MAD1L1: variants seen among roughly 807,000 people sequenced by gnomAD.
MAD1L1 encodes mitotic spindle assembly checkpoint protein MAD1.
A neutral mutation model predicts 96.9 loss-of-function variants in MAD1L1; 95 were observed. That is an observed-to-expected ratio of 0.98 (90% CI 0.83 to 1.16). The LOEUF (loss-of-function observed/expected upper bound fraction) is 1.16. Among genes scored for constraint, MAD1L1 ranks in the 50% most tolerant of loss-of-function variants. MAD1L1 has a pLI of 0.00. For missense variants in MAD1L1, 1,007 were observed against 954.4 expected (o/e 1.06, Z -0.73); for synonymous variants, 473 against 396.6 (o/e 1.19, Z -2.29).
chr7:2,178,154 C>A (rs1373150761), intron 10 of MAD1L1, among the ~76,000 whole-genome samples: 1 of 152,174 alleles, frequency 6.6e-6, no homozygotes, highest in African/African-American at 2.4e-5. Context: ...TCTTCTTAAG[C>A]TATTTAACCT....
Position 2,207,993 on chromosome 7 carries a change from G to A in MAD1L1, c.986+5219C>T, listed in dbSNP as rs1584550257. Among the ~76,000 whole-genome samples the A allele has an allele frequency of 2.0e-5, 3 of 152,276 alleles. No individual in the cohort carries two copies. The South Asian group carries it at 6.2e-4, about 32-fold the overall frequency. On this transcript the variant is annotated intron_variant, in intron 10 of 18. Coordinates refer to ENST00000265854, the MANE Select transcript of MAD1L1 (RefSeq NM_001013836.2). ...CCCTGGAGAACTGCTTGGTGTGGGGGAAACCTTCCAGTATCTGGTGTCAGA... is the reference window on the plus strand; with the variant it reads ...CCCTGGAGAACTGCTTGGTGTGGGGAAAACCTTCCAGTATCTGGTGTCAGA...
At chr7:1,939,488 GGTC>G (rs1778836358) in intron 16 of MAD1L1, among the ~76,000 whole-genome samples, 1 of 1,318 alleles carries the variant, frequency 7.6e-4, no homozygotes, top group African/African-American at 1.3e-3. Flanking sequence ...ACATGACCAT[GGTC>G]ATGACATGGG....
chr7:1,819,182 C>T (rs759150788), intron 18 of MAD1L1, among the ~76,000 whole-genome samples: 6 of 152,278 alleles, frequency 3.9e-5, no homozygotes, highest in East Asian at 1.9e-4. Flanking sequence ...ACTGTAATTA[C>T]GGGCTGCTCA....
rs552934587 is a variant in MAD1L1, at chr7:2,186,434, C to T, written c.986+26778G>A. On this transcript the variant is annotated intron_variant, in intron 10 of 18. Transcript: ENST00000265854. The stretch of plus-strand genomic sequence containing the variant: ...GGGAAAATAATATAACAATACAGGC[C>T]GTATGATGCCATTTGTTATGTACGT... Among the ~76,000 whole-genome samples the T allele has an allele frequency of 3.3e-5, 5 of 152,256 alleles. No individual in the cohort carries two copies. In the East Asian group the frequency reaches 7.7e-4, roughly 23 times the overall value.
chr7:2,072,124 G>A (rs1014504569), intron 11 of MAD1L1, among the ~76,000 whole-genome samples: 2 of 152,150 alleles, frequency 1.3e-5, no homozygotes, highest in Non-Finnish European at 1.5e-5. Context: ...CCTGCGGCTC[G>A]CGACCAGCAC....
intron 11 of MAD1L1, chr7:2,109,713 C>T (rs1385057929): frequency 6.6e-6 from 1 of 152,128 alleles, no homozygotes; most frequent in Non-Finnish European, 1.5e-5. Context: ...TATTTAGAAA[C>T]CTCTAAATAA....
chr7:1,855,326 T>C (rs535041297), intron 18 of MAD1L1, among the ~76,000 whole-genome samples: 9 of 152,114 alleles, frequency 5.9e-5, no homozygotes, highest in Admixed American at 5.9e-4. Context: ...TGCTCTCGTT[T>C]TCTCCAGCAG....
At chr7:2,084,942 C>T (rs943040218) in intron 11 of MAD1L1, among the ~76,000 whole-genome samples, 2 of 152,198 alleles carry the variant, frequency 1.3e-5, no homozygotes, top group African/African-American at 2.4e-5. Context: ...GTCATCGTTT[C>T]CTGAACATAC....
intron 14 of MAD1L1, among the ~76,000 whole-genome samples, chr7:1,995,558 G>T (rs1352141572): frequency 1.3e-5 from 2 of 152,154 alleles, no homozygotes; most frequent in Non-Finnish European, 2.9e-5. Context: ...CCAGGCGGGG[G>T]GCCCAGGAGA....
intron 18 of MAD1L1, among the ~76,000 whole-genome samples, chr7:1,852,912 C>G (rs1347311426): frequency 1.3e-5 from 2 of 152,134 alleles, no homozygotes; most frequent in Admixed American, 1.3e-4. Context: ...GTCCCTGGAG[C>G]CCATGTCTGC....
intron 12 of MAD1L1, among the ~76,000 whole-genome samples, chr7:2,051,524 GTA>G: frequency 6.6e-6 from 1 of 152,266 alleles, no homozygotes; most frequent in East Asian, 1.9e-4. Context: ...TTTCAACGTG[GTA>G]TGTTAGAAAC....
chr7:2,003,291 T>C (rs1781888040), intron 13 of MAD1L1, among the ~76,000 whole-genome samples: 1 of 152,046 alleles, frequency 6.6e-6, no homozygotes, highest in Non-Finnish European at 1.5e-5. Flanking sequence ...TGGGTATGTA[T>C]ATGCACACCT....
intron 16 of MAD1L1, among the ~76,000 whole-genome samples, chr7:1,942,280 G>A (rs1779037532): frequency 6.6e-6 from 1 of 152,154 alleles, no homozygotes; most frequent in African/African-American, 2.4e-5. Flanking sequence ...CCTCCAGAAG[G>A]AGGCCACGCC....
chr7:2,199,469 C>T (rs943999965), intron 10 of MAD1L1, among the ~76,000 whole-genome samples: 9 of 152,372 alleles, frequency 5.9e-5, no homozygotes, highest in East Asian at 5.8e-4. Flanking sequence ...GCCCTGCACG[C>T]GGCAAACCGC....
chr7:2,229,189 GCT>G (rs1794068523), intron 3 of MAD1L1, among the ~76,000 whole-genome samples: 1 of 152,214 alleles, frequency 6.6e-6, no homozygotes, highest in African/African-American at 2.4e-5. Context: ...CTACAGAACG[GCT>G]CTGGGGACCG....
chr7:2,071,959 A>C (rs565433354), intron 11 of MAD1L1, among the ~76,000 whole-genome samples: 13 of 152,182 alleles, frequency 8.5e-5, no homozygotes, highest in African/African-American at 2.9e-4. Flanking sequence ...CTGCGCATCC[A>C]TTCATCTGCA....
rs1168355824 is a variant in MAD1L1 at position 2,060,489 on chromosome 7, A to ATAATGCC, written c.1218+8698_1218+8704dup. Among the ~76,000 whole-genome samples the ATAATGCC allele has an allele frequency of 2.0e-5, 3 of 150,308 alleles. 1 individual carries two copies. Among genetic ancestry groups the ATAATGCC allele is most frequent in the African/African-American group, 7.5e-5 (3 of 40,020 alleles). On this transcript the variant is annotated intron_variant, in intron 12 of 18. Coordinates refer to ENST00000265854, the MANE Select transcript of MAD1L1 (RefSeq NM_001013836.2). ...GATGTCGAGATATGCCAATATCGAGATAATGCCGAGACCGAGATAACGCTA... is the reference window on the plus strand; with the variant it reads ...GATGTCGAGATATGCCAATATCGAGATAATGCCTAATGCCGAGACCGAGATAACGCTA...
In MAD1L1 at chr7:1,898,252, T is replaced by C; in HGVS notation, c.1946A>G (p.Tyr649Cys). 1 of 1,614,100 alleles carries C rather than the reference T, an allele frequency of 6.2e-7. No homozygotes were observed. Among genetic ancestry groups the C allele is most frequent in the Non-Finnish European group, 8.5e-7 (1 of 1,179,992 alleles). ...CTCGGCGTACAGCGAGGTCAGCCGG[T>C]ACTGGTTCTCCGTGGTGATGTCGAT... ...YQIDITTENQ[Y>C]RLTSLYAEHP... Residue 649 changes from tyrosine to cysteine, a missense_variant, in exon 18 of 19, where the codon TAC (tyrosine) becomes TGC (cysteine). Tyr to Cys is a radical substitution (Grantham distance 194). Transcript: ENST00000265854.
At chr7:2,164,106 C>G (rs1464890752) in intron 10 of MAD1L1, among the ~76,000 whole-genome samples, 3 of 152,214 alleles carry the variant, frequency 2.0e-5, no homozygotes, top group African/African-American at 7.2e-5. Flanking sequence ...TGCATGCAGA[C>G]ACCTATGTCC....
Sources: gnomAD v4.1 joint callset for allele counts (sites outside exome capture counted in the v4.1 genomes callset) on GRCh38, gnomAD v4.1.1 for gene constraint, MANE v1.5 for transcripts, NCBI Gene and HGNC (gene_info 2026-07-23, HGNC 2026-07-21) for gene names.